Variants in TASOR2 observed in about 807,000 individuals in gnomAD.
TASOR2 encodes the protein transcription activation suppressor family member 2.
A neutral mutation model predicts 199.5 loss-of-function variants in TASOR2; 84 were observed. The observed-to-expected ratio is 0.42, with a 90% CI of 0.35 to 0.50. The LOEUF (loss-of-function observed/expected upper bound fraction) is 0.50, where lower values mean the gene tolerates loss of function less well. Among genes scored for constraint, TASOR2 ranks in the 20% least tolerant of loss-of-function variants. The pLI is 0.02. For synonymous variants in TASOR2, 1,103 were observed against 1,046.6 expected, an observed-to-expected ratio of 1.05 and a Z score of -1.04; for missense variants, 2,796 against 2,835.9, an observed-to-expected ratio of 0.99 and a Z score of 0.32.
chr10:5,734,404 G>A (rs148470705), intron 11 of TASOR2, among the ~76,000 whole-genome samples: 77 of 152,240 alleles, frequency 5.1e-4, no homozygotes, highest in Admixed American at 1.1e-3. Context: ...AGTCATCATT[G>A]TGTAAGATAG....
intron 18 of TASOR2, 104 bp from the exon 20 acceptor site, chr10:5,761,182 GAAGA>G (rs57350068): frequency 0.052 from 47,207 of 904,712 alleles, 5,986 homozygotes; most frequent in East Asian, 0.44. Flanking sequence ...AGAACGTCAA[GAAGA>G]AAGGCAGAGG....
At position 5,748,934 on chromosome 10, in the gene TASOR2, G is replaced by A; in HGVS notation, c.5513G>A (p.Cys1838Tyr). Residue 1838 changes from cysteine to tyrosine, a missense_variant, in exon 15 of 21, where the codon TGT becomes TAT. Around this residue, in one of 3 missense-constraint regions of TASOR2, gnomAD observed 1,941 missense variants for 1,924.9 expected, o/e 1.01. Transcript: ENST00000328090. This position sits in a 1 kb window ranked among gnomAD's most constrained non-coding sequence, Gnocchi z 5.1. The stretch of plus-strand genomic sequence containing the variant: ...TCTGATCTAGACCTGCTTGGTGATT[G>A]TAGAAATCCCAGACTGGATTTGGAG... 1 of 1,614,074 alleles carries A rather than the reference G, an allele frequency of 6.2e-7. No individual in the cohort carries two copies. The highest frequency in any genetic ancestry group is 8.5e-7 in the Non-Finnish European group (1 of 1,180,018).
rs1837474351 is a variant in TASOR2, at chr10:5,748,090, A to T, written c.4669A>T (p.Ile1557Leu). Reference sequence around the variant, plus strand: ...AGGAAATCCATTGCAGCCAGTTAGTATAGAGAATAGAAATTTGGACTTAAA... The same window carrying T: ...AGGAAATCCATTGCAGCCAGTTAGTTTAGAGAATAGAAATTTGGACTTAAA... Residue 1557 changes from isoleucine to leucine, a missense_variant, in exon 15 of 21, where the codon ATA becomes TTA. By Grantham distance (5) the Ile-to-Leu change is conservative. Coordinates refer to ENST00000328090, the Ensembl canonical transcript of TASOR2. The surrounding 1 kb of genome is among the most constrained non-coding windows in gnomAD (Gnocchi z 5.1). 2 of 1,614,228 alleles carry T rather than the reference A, an allele frequency of 1.2e-6. No homozygotes were observed. Among genetic ancestry groups the T allele is most frequent in the Non-Finnish European group, 1.7e-6 (2 of 1,180,026 alleles).
rs749786726 is a variant in TASOR2, at chr10:5,687,977, C to T, written c.-288+2802C>T. Among the ~76,000 whole-genome samples, 4 of 152,084 alleles carry T rather than the reference C, an allele frequency of 2.6e-5. No individual in the cohort carries two copies. The highest frequency in any genetic ancestry group is 5.9e-5 in the Non-Finnish European group (4 of 68,016). ...TACATCTTAACATATTTTATCTCCC[C>T]AAAATTAGTGACAAGAATGGGATTT... On this transcript the variant is annotated intron_variant, in intron 1 of 20. Coordinates refer to ENST00000328090, the Ensembl canonical transcript of TASOR2. This position sits in a 1 kb window ranked among gnomAD's most constrained non-coding sequence, Gnocchi z 4.8.
intron 2 of TASOR2, among the ~76,000 whole-genome samples, chr10:5,716,447 T>A (rs1832650838): frequency 6.6e-6 from 1 of 152,210 alleles, no homozygotes; most frequent in African/African-American, 2.4e-5. Flanking sequence ...TACATTCAAC[T>A]CATCTTCTAA....
chr10:5,731,610 T>A (rs1834825742), intron 11 of TASOR2, among the ~76,000 whole-genome samples: 1 of 152,234 alleles, frequency 6.6e-6, no homozygotes, highest in African/African-American at 2.4e-5. Context: ...GTTAGAAGAT[T>A]GTTAGAATCA....
In TASOR2 at chr10:5,746,399, GC is replaced by G; in HGVS notation, c.2979del (p.Ser994LeufsTer34). On this transcript the variant is annotated frameshift_variant, in exon 15 of 21. Coordinates refer to ENST00000328090, the Ensembl canonical transcript of TASOR2. LOFTEE classifies it high-confidence loss of function. ...GGCAGTCAGCCAGTGATATGTCAGA[GC>G]TCTGTGTACGGCACCCTTGAAAACA... The G allele has an allele frequency of 6.2e-7, 1 of 1,614,146 alleles. No homozygotes were observed.
In TASOR2 at chr10:5,754,515, G is replaced by A. The variant is rs1015765108; in HGVS notation, c.6607-2098G>A. Among the ~76,000 whole-genome samples the A allele has an allele frequency of 2.6e-5, 4 of 151,826 alleles. No homozygotes were observed. Among genetic ancestry groups the A allele is most frequent in the East Asian group, 1.9e-4 (1 of 5,144 alleles). On this transcript the variant is annotated intron_variant, in intron 15 of 20. Coordinates refer to ENST00000328090, the Ensembl canonical transcript of TASOR2. This position sits in a 1 kb window ranked among gnomAD's most constrained non-coding sequence, Gnocchi z 4.3. ...AGTGATTCTCCTGCCTCACCTTCTC[G>A]AATAGCTGGGATTACAGGTGCGTGC... is the stretch of plus-strand genomic sequence containing the variant.
Position 5,726,884 on chromosome 10 carries a change from G to C in TASOR2, c.352-1G>C. ...AGTTGAATTTTTCCTTTTTATTTAAGGCAATCATCAAATGCTTAGAAGATC... is the reference window on the plus strand; with the variant it reads ...AGTTGAATTTTTCCTTTTTATTTAACGCAATCATCAAATGCTTAGAAGATC... On this transcript the variant is annotated splice_acceptor_variant, in intron 8 of 20. Coordinates refer to ENST00000328090, the Ensembl canonical transcript of TASOR2. LOFTEE classifies it high-confidence loss of function. 1 of 1,613,050 alleles carries C rather than the reference G, an allele frequency of 6.2e-7. No individual in the cohort carries two copies. Among genetic ancestry groups the C allele is most frequent in the Non-Finnish European group, 8.5e-7 (1 of 1,179,194 alleles).
Position 5,742,021 on chromosome 10 carries a change from A to C in TASOR2, c.2328-76A>C. ...ACAAAAACTAAGGAATATTGGAGGC[A>C]CTTGCTTATGATAAGGTAATCAACT... is the stretch of plus-strand genomic sequence containing the variant. On this transcript the variant is annotated intron_variant, in intron 13 of 20. Transcript: ENST00000328090. The surrounding 1 kb of genome is among the most constrained non-coding windows in gnomAD (Gnocchi z 4.2). 1 of 1,384,094 alleles carries C rather than the reference A, an allele frequency of 7.2e-7. No homozygotes were observed. Among genetic ancestry groups the C allele is most frequent in the Non-Finnish European group, 1.0e-6 (1 of 997,822 alleles). The allele number at this position is 1,384,094 out of a possible 1,614,324, so 85.7% of individuals were successfully genotyped here.
At position 5,706,458 on chromosome 10, in the gene TASOR2, A is replaced by C. The variant is rs1237980260; in HGVS notation, c.-287-6365A>C. ...CAGTAATATCAGAGGGCACAAGCCC[A>C]GATTGAAGCTGGAAGACATAGTGCT... On this transcript the variant is annotated intron_variant, in intron 1 of 20. Transcript: ENST00000328090. This position sits in a 1 kb window ranked among gnomAD's most constrained non-coding sequence, Gnocchi z 4.8. Among the ~76,000 whole-genome samples, 1 of 152,234 alleles carries C rather than the reference A, an allele frequency of 6.6e-6. No individual in the cohort carries two copies. Among genetic ancestry groups the C allele is most frequent in the Admixed American group, 6.5e-5 (1 of 15,284 alleles).
Position 5,758,960 on chromosome 10 carries a change from C to G in TASOR2, c.6960C>G (p.Tyr2320Ter). The G allele has an allele frequency of 6.2e-7, 1 of 1,613,908 alleles. No individual in the cohort carries two copies. ...GAAGATGGAAGTGGTTGCTTCACTACAGGGAAAATAAAAAGCTAAAAGAAG... is the reference window on the plus strand; with the variant it reads ...GAAGATGGAAGTGGTTGCTTCACTAGAGGGAAAATAAAAAGCTAAAAGAAG... The change falls in exon 18 of 21, where the codon TAC becomes TAG. Residue 2320 changes from tyrosine (Y) to a stop codon, truncating the protein, a stop_gained. Transcript: ENST00000328090. LOFTEE classifies it high-confidence loss of function.
Position 5,748,693 on chromosome 10 carries a change from C to T in TASOR2, c.5272C>T (p.Gln1758Ter). 5 of 1,614,194 alleles carry T rather than the reference C, an allele frequency of 3.1e-6. No homozygotes were observed. Among genetic ancestry groups the T allele is most frequent in the Non-Finnish European group, 4.2e-6 (5 of 1,180,030 alleles). The change falls in exon 15 of 21, where the codon CAA (glutamine) becomes TAA (stop). Residue 1758 changes from glutamine to a stop codon, truncating the protein, a stop_gained. Transcript: ENST00000328090. LOFTEE classifies it high-confidence loss of function. This position sits in a 1 kb window ranked among gnomAD's most constrained non-coding sequence, Gnocchi z 5.1. Reference sequence around the variant, plus strand: ...TTCCTCCCTTTGTGCTGGTCCCTACCAAAATACAGCAGACACCAAGGAAAA... The same window carrying T: ...TTCCTCCCTTTGTGCTGGTCCCTACTAAAATACAGCAGACACCAAGGAAAA...
chr10:5,704,185 T>C (rs980122408), intron 1 of TASOR2, among the ~76,000 whole-genome samples: 60 of 150,342 alleles, frequency 4.0e-4, no homozygotes, highest in Non-Finnish European at 2.1e-4. Flanking sequence ...GATCACACCA[T>C]TGCACTCCAG....
At chr10:5,702,282 C>G (rs1372937932) in intron 1 of TASOR2, among the ~76,000 whole-genome samples, 1 of 152,134 alleles carries the variant, frequency 6.6e-6, no homozygotes, top group Non-Finnish European at 1.5e-5. Flanking sequence ...GTTGGACCAT[C>G]CTTGCATCCC....
At chr10:5,708,229 T>G (rs2131539924) in intron 1 of TASOR2, among the ~76,000 whole-genome samples, 1 of 151,920 alleles carries the variant, frequency 6.6e-6, no homozygotes, top group East Asian at 1.9e-4. Context: ...CATATTAAAC[T>G]ATTTGCAGTT....
intron 1 of TASOR2, among the ~76,000 whole-genome samples, chr10:5,711,302 C>T (rs1831875255): frequency 1.3e-5 from 2 of 152,152 alleles, no homozygotes; most frequent in Non-Finnish European, 2.9e-5. Flanking sequence ...ATATTGGTTA[C>T]TTACAAGTTA....
exon 21 of TASOR2, chr10:5,763,595 A>AAT (rs1333414960): frequency 1.3e-5 from 2 of 152,074 alleles, no homozygotes; most frequent in Non-Finnish European, 2.9e-5. Flanking sequence ...AGAAAGAAAT[A>AAT]ATCATTTATT....
At chr10:5,753,353 GGTTTGTTT>G (rs368757231) in intron 15 of TASOR2, among the ~76,000 whole-genome samples, 6 of 152,050 alleles carry the variant, frequency 3.9e-5, no homozygotes, top group East Asian at 1.9e-4. Flanking sequence ...TGTTTGCCAA[GGTTTGTTT>G]GTTTGTTTGT....
Sources: gnomAD v4.1 joint callset for allele counts (sites outside exome capture counted in the v4.1 genomes callset) on GRCh38, gnomAD v4.1.1 for gene constraint, gnomAD v4.1.1 regional missense constraint, Gnocchi (gnomAD v3.1) non-coding constraint, MANE v1.5 for transcripts, NCBI Gene and HGNC (gene_info 2026-07-23, HGNC 2026-07-21) for gene names.